NEO1: variants seen among roughly 807,000 people sequenced by gnomAD.
NEO1 encodes neogenin.
A neutral mutation model predicts 159.7 loss-of-function variants in NEO1; 63 were observed. The ratio of observed to expected loss-of-function variants is 0.39; its 90% CI spans 0.32 to 0.49. The LOEUF (loss-of-function observed/expected upper bound fraction) is 0.49, where lower values mean the gene tolerates loss of function less well. Ranked by LOEUF, NEO1 falls within the 20% of genes least tolerant of loss-of-function variation. The probability of loss-of-function intolerance (pLI) is 0.85; values close to 1 mark genes in which losing one functional copy is unlikely to be tolerated. For synonymous variants in NEO1, 633 were observed against 662.0 expected (o/e 0.96, Z 0.67); for missense variants, 1,615 against 1,831.0 (o/e 0.88, Z 2.15).
intron 5 of NEO1, among the ~76,000 whole-genome samples, chr15:73,171,639 T>TGA (rs1219941401): frequency 1.2e-4 from 17 of 147,604 alleles, no homozygotes; most frequent in South Asian, 4.2e-4. Context: ...ATTATTATTA[T>TGA]TATTATTATT....
intron 4 of NEO1, among the ~76,000 whole-genome samples, chr15:73,133,784 A>G (rs1209151427): frequency 1.3e-5 from 2 of 152,142 alleles, no homozygotes; most frequent in Non-Finnish European, 2.9e-5. Context: ...CCATGAACTA[A>G]TTGAATGAAT....
chr15:73,277,022 C>G (rs1477666026), intron 21 of NEO1, among the ~76,000 whole-genome samples: 2 of 152,140 alleles, frequency 1.3e-5, no homozygotes, highest in African/African-American at 4.8e-5. Context: ...TCCATTTAAT[C>G]CTCACAACAG....
intron 28 of NEO1, 124 bp downstream of exon 28, chr15:73,301,581 C>T: frequency 2.4e-6 from 3 of 1,267,700 alleles, no homozygotes; most frequent in Admixed American, 4.4e-5. Flanking sequence ...GAAGCAGATA[C>T]ACTCATTCAT....
chr15:73,191,031 C>CT (rs762444789), intron 7 of NEO1, among the ~76,000 whole-genome samples: 86 of 152,082 alleles, frequency 5.7e-4, no homozygotes, highest in Non-Finnish European at 9.4e-4. Context: ...CTTCAGAACG[C>CT]TTTTTCCGTA....
intron 1 of NEO1, among the ~76,000 whole-genome samples, chr15:73,105,725 C>T (rs1297730093): frequency 6.6e-6 from 1 of 152,114 alleles, no homozygotes; most frequent in Non-Finnish European, 1.5e-5. Flanking sequence ...GAATGTCTCA[C>T]ATTTTGGATT....
rs570028790 is a variant in NEO1, at chr15:73,204,016, A to T, written c.1291+25589A>T. Among the ~76,000 whole-genome samples the T allele has an allele frequency of 1.7e-3, 260 of 152,098 alleles. 3 individuals carry two copies. Among genetic ancestry groups the T allele is most frequent in the Admixed American group, 2.8e-3 (43 of 15,278 alleles). Reference sequence around the variant, plus strand: ...TTTAACATTTCTTGCAGGGCAAATTATCTGCTGATTGATTCTCCTTATTTT... The same window carrying T: ...TTTAACATTTCTTGCAGGGCAAATTTTCTGCTGATTGATTCTCCTTATTTT... On this transcript the variant is annotated intron_variant, in intron 7 of 28. Transcript: ENST00000261908.
Position 73,145,486 on chromosome 15 carries a change from A to G in NEO1, c.1015+9459A>G, listed in dbSNP as rs114440830. On this transcript the variant is annotated intron_variant, in intron 5 of 28. Coordinates refer to ENST00000261908, the MANE Select transcript of NEO1 (RefSeq NM_002499.4). The stretch of plus-strand genomic sequence containing the variant: ...CAAAGATTTATGCATGGAAGTATGC[A>G]TGCAATGATGTATATTTAGTGGCAA... 2.1e-3 allele frequency among the ~76,000 whole-genome samples: 320 copies of G among 152,330 alleles called. 2 individuals are homozygous for G. Among genetic ancestry groups the G allele is most frequent in the African/African-American group, 7.3e-3 (305 of 41,572 alleles).
intron 1 of NEO1, among the ~76,000 whole-genome samples, chr15:73,071,253 A>G (rs1388626104): frequency 3.3e-5 from 5 of 152,104 alleles, no homozygotes; most frequent in Non-Finnish European, 5.9e-5. Flanking sequence ...GCGATTCTTT[A>G]TGTGTAGTTA....
intron 1 of NEO1, among the ~76,000 whole-genome samples, chr15:73,105,517 T>C (rs549637133): frequency 6.6e-6 from 1 of 152,338 alleles, no homozygotes; most frequent in South Asian, 2.1e-4. Flanking sequence ...TAATGCTGTC[T>C]AATATACTCA....
At chr15:73,096,424 A>G (rs966665246) in intron 1 of NEO1, among the ~76,000 whole-genome samples, 1 of 152,234 alleles carries the variant, frequency 6.6e-6, no homozygotes, top group African/African-American at 2.4e-5. Context: ...ACAATGTTGA[A>G]GACAAAGCAC....
upstream of NEO1, chr15:73,051,728 C>T (rs2067445924): frequency 6.6e-6 from 1 of 151,796 alleles, no homozygotes; most frequent in Admixed American, 6.6e-5. Flanking sequence ...GCTGCGCGGC[C>T]GGCCCCCTCC....
At chr15:73,055,638 C>T (rs971132291) in intron 1 of NEO1, among the ~76,000 whole-genome samples, 2 of 152,204 alleles carry the variant, frequency 1.3e-5, no homozygotes, top group African/African-American at 2.4e-5. Flanking sequence ...TCGGTACCTT[C>T]ACTAAATAGG....
rs560055160 is a variant in NEO1 at position 73,248,958 on chromosome 15, A to G, written c.1607-102A>G. ...CAAATCCATTGTTTTCTTAGCTTCT[A>G]TTATTTTAAAAACGTGGCCAATATG... On this transcript the variant is annotated intron_variant, in intron 9 of 28. Coordinates refer to ENST00000261908, the MANE Select transcript of NEO1 (RefSeq NM_002499.4). 234 of 1,081,960 alleles carry G rather than the reference A, an allele frequency of 2.2e-4. 1 individual carries two copies. In the African/African-American group the frequency reaches 3.0e-3, roughly 14 times the overall value. 67.0% of individuals were successfully genotyped at this position (1,081,960 alleles called of 1,614,324 possible).
chr15:73,186,143 A>G (rs1596294072), intron 7 of NEO1, among the ~76,000 whole-genome samples: 1 of 151,860 alleles, frequency 6.6e-6, no homozygotes, highest in Non-Finnish European at 1.5e-5. Flanking sequence ...AGGAACAAAG[A>G]TAAGAATTGC....
At chr15:73,269,238 T>A (rs1363505778) in intron 16 of NEO1, among the ~76,000 whole-genome samples, 33 of 152,188 alleles carry the variant, frequency 2.2e-4, no homozygotes, top group Non-Finnish European at 4.4e-5. Context: ...CACAGATAAC[T>A]CTTGTCCCAA....
chr15:73,116,345 C>A (rs2071313829), intron 1 of NEO1, among the ~76,000 whole-genome samples, 195 bp from the exon 2 acceptor site: 1 of 152,010 alleles, frequency 6.6e-6, no homozygotes, highest in Non-Finnish European at 1.5e-5. Context: ...TAATGTTCTT[C>A]TAAATGGCTC....
intron 5 of NEO1, among the ~76,000 whole-genome samples, chr15:73,157,499 C>G (rs1362202522): frequency 6.6e-6 from 1 of 152,244 alleles, no homozygotes; most frequent in East Asian, 1.9e-4. Context: ...CTCCTACAGC[C>G]TGGATTGTAC....
At chr15:73,296,365 G>A (rs573438230) in intron 26 of NEO1, among the ~76,000 whole-genome samples, 1 of 152,232 alleles carries the variant, frequency 6.6e-6, no homozygotes, top group South Asian at 2.1e-4. Context: ...CTCCCCCGCC[G>A]TGGGGATGGC....
At chr15:73,184,668 C>A (rs1555446746) in intron 7 of NEO1, among the ~76,000 whole-genome samples, 1 of 152,228 alleles carries the variant, frequency 6.6e-6, no homozygotes, top group Non-Finnish European at 1.5e-5. Flanking sequence ...TGGCTTACGC[C>A]TGTACTCCCA....
Sources: gnomAD v4.1 joint callset for allele counts (sites outside exome capture counted in the v4.1 genomes callset) on GRCh38, gnomAD v4.1.1 for gene constraint, MANE v1.5 for transcripts, NCBI Gene and HGNC (gene_info 2026-07-23, HGNC 2026-07-21) for gene names.